Variants in COL4A5 observed in about 807,000 individuals in gnomAD.
The protein encoded by COL4A5 is collagen alpha-5(IV) chain.
Under a neutral mutation model 130.2 loss-of-function variants are expected in COL4A5, and 26 were observed. That is an observed-to-expected ratio of 0.20 (90% CI 0.15 to 0.28). The LOEUF (loss-of-function observed/expected upper bound fraction) is 0.28, where lower values mean the gene tolerates loss of function less well. Ranked by LOEUF, COL4A5 falls within the 10% of genes least tolerant of loss-of-function variation. The pLI is 1.00. For missense variants in COL4A5, 1,131 were observed against 1,344.3 expected (o/e 0.84, Z 2.48); for synonymous variants, 496 against 439.6 (o/e 1.13, Z -1.60).
At chrX:108,588,026 A>ATCTTGTT (rs2066364861) in intron 19 of COL4A5, among the ~76,000 whole-genome samples, 1 of 111,208 alleles carries the variant, frequency 9.0e-6, no homozygotes, top group Non-Finnish European at 1.9e-5. Flanking sequence ...TTTGTTATAC[A>ATCTTGTT]ATAAAATCTT....
intron 37 of COL4A5, among the ~76,000 whole-genome samples, chrX:108,664,115 G>A (rs955472311): frequency 1.2e-4 from 13 of 111,710 alleles, no homozygotes; most frequent in Non-Finnish European, 2.3e-4. Context: ...AACCCGGGAG[G>A]TGGAGGTTGC....
rs142847868 is a variant in COL4A5, at chrX:108,632,766, C to T, written c.3246+6417C>T. Among the ~76,000 whole-genome samples the T allele has an allele frequency of 3.8e-3, 424 of 111,830 alleles. 2 individuals are homozygous for T. The highest frequency in any genetic ancestry group is 8.2e-3 in the South Asian group (22 of 2,688). On this transcript the variant is annotated intron_variant, in intron 36 of 52. Coordinates refer to ENST00000328300, the MANE Select transcript of COL4A5 (RefSeq NM_033380.3). ...TCTCAATAGATGGAGAAAACACCTTCGACAAAATTCAACAGCCCTTCATGC... is the reference window on the plus strand; with the variant it reads ...TCTCAATAGATGGAGAAAACACCTTTGACAAAATTCAACAGCCCTTCATGC...
At chrX:108,674,556 A>T in intron 42 of COL4A5, 189 bp from the exon 43 acceptor site, 1 of 401,259 alleles carries the variant, frequency 2.5e-6, no homozygotes, top group Non-Finnish European at 4.2e-6. Context: ...TTGGCTCTCT[A>T]TACTTCTGTA....
intron 1 of COL4A5, among the ~76,000 whole-genome samples, chrX:108,526,318 T>C (rs1051164696): frequency 4.5e-5 from 5 of 111,916 alleles, no homozygotes; most frequent in Non-Finnish European, 7.5e-5. Flanking sequence ...GGCTGTATGT[T>C]CGTAGGACAA....
intron 49 of COL4A5, among the ~76,000 whole-genome samples, chrX:108,688,657 G>A (rs1330365669): frequency 1.8e-5 from 2 of 111,380 alleles, no homozygotes; most frequent in South Asian, 3.8e-4. Flanking sequence ...GGCTGGTCTC[G>A]AAATGTTGAC....
chrX:108,450,840 T>C (rs1569471258), intron 1 of COL4A5, among the ~76,000 whole-genome samples: 1 of 110,642 alleles, frequency 9.0e-6, no homozygotes, highest in African/African-American at 3.3e-5. Context: ...TTTATTTTTA[T>C]TTTTTATTTT....
chrX:108,515,433 C>T (rs185056087), intron 1 of COL4A5, among the ~76,000 whole-genome samples: 10 of 111,906 alleles, frequency 8.9e-5, no homozygotes, highest in African/African-American at 3.2e-4. Flanking sequence ...CATTGGTTGA[C>T]GATATGCATA....
chrX:108,696,418 A>G lies in COL4A5; in HGVS notation c.*40A>G. 1.9e-6 allele frequency: 2 copies of G among 1,044,675 alleles called. No individual in the cohort carries two copies. Among genetic ancestry groups the G allele is most frequent in the Non-Finnish European group, 2.7e-6 (2 of 754,370 alleles). 86.1% of individuals were successfully genotyped at this position (1,044,675 alleles called of 1,213,427 possible). On this transcript the variant is annotated 3_prime_UTR_variant, in exon 53 of 53. Transcript: ENST00000328300. ...CCTTTTGTGTTTTAAAATGTGATAT[A>G]TATATATATAAAATTCCTAGGATGC...
intron 1 of COL4A5, among the ~76,000 whole-genome samples, chrX:108,450,497 T>G (rs1375094666): frequency 8.9e-6 from 1 of 112,296 alleles, no homozygotes; most frequent in African/African-American, 3.2e-5. Flanking sequence ...AGCCTACCAC[T>G]TCAGGGAAAA....
At chrX:108,547,630 C>T (rs955123970) in intron 2 of COL4A5, among the ~76,000 whole-genome samples, 1 of 111,975 alleles carries the variant, frequency 8.9e-6, no homozygotes, top group Non-Finnish European at 1.9e-5. Flanking sequence ...CTAATCTCTT[C>T]CAAGCTGTCA....
chrX:108,563,245 A>C (rs772842414), intron 3 of COL4A5, among the ~76,000 whole-genome samples: 1 of 111,561 alleles, frequency 9.0e-6, no homozygotes, highest in African/African-American at 3.2e-5. Context: ...TAGTTAACGA[A>C]AACTCAGTGA....
At chrX:108,460,174 A>G (rs1185523109) in intron 1 of COL4A5, among the ~76,000 whole-genome samples, 1 of 111,764 alleles carries the variant, frequency 8.9e-6, no homozygotes, top group East Asian at 2.8e-4. Context: ...ATTCCTTCTG[A>G]ATAGTTTTGC....
intron 36 of COL4A5, among the ~76,000 whole-genome samples, chrX:108,639,269 A>T (rs1330838971): frequency 9.0e-6 from 1 of 111,368 alleles, no homozygotes; most frequent in Admixed American, 9.5e-5. Flanking sequence ...ATCTTTGACA[A>T]GGGTGCTCAA....
At chrX:108,694,429 G>A (rs1418760966) in intron 50 of COL4A5, 2 of 217,700 alleles carry the variant, frequency 9.2e-6, no homozygotes, top group Non-Finnish European at 1.7e-5. Context: ...TCTTACCACA[G>A]TTTCAGCATT....
intron 1 of COL4A5, among the ~76,000 whole-genome samples, chrX:108,490,981 T>A (rs766363234): frequency 8.9e-6 from 1 of 112,380 alleles, no homozygotes; most frequent in South Asian, 3.7e-4. Context: ...AGACATGATC[T>A]TGTTCTTTAT....
chrX:108,455,910 T>C (rs1435630839), intron 1 of COL4A5, among the ~76,000 whole-genome samples: 1 of 111,607 alleles, frequency 9.0e-6, no homozygotes, highest in African/African-American at 3.2e-5. Flanking sequence ...CATAAGTCCT[T>C]TACATTTCTT....
At chrX:108,575,017 G>C (rs950279780) in intron 9 of COL4A5, among the ~76,000 whole-genome samples, 2 of 110,969 alleles carry the variant, frequency 1.8e-5, no homozygotes, top group East Asian at 5.6e-4. Context: ...TCAAACATCT[G>C]AGCTCAAGTG....
Position 108,487,467 on chromosome X carries a change from A to AT in COL4A5, c.81+47270dup, listed in dbSNP as rs953729933. Among the ~76,000 whole-genome samples, 14 of 105,433 alleles carry AT rather than the reference A, an allele frequency of 1.3e-4. No individual in the cohort carries two copies. In the South Asian group the frequency reaches 2.4e-3, roughly 18 times the overall value. 91.6% of individuals were successfully genotyped at this position (105,433 alleles called of 115,157 possible). ...TCACACCAACATCTATTATTTTTTTATTTTTTTTTAATTATGGCCATTCTT... is the reference window on the plus strand; with the variant it reads ...TCACACCAACATCTATTATTTTTTTATTTTTTTTTTAATTATGGCCATTCTT... On this transcript the variant is annotated intron_variant, in intron 1 of 52. Coordinates refer to ENST00000328300, the MANE Select transcript of COL4A5 (RefSeq NM_033380.3).
At chrX:108,448,065 G>A (rs752612582) in intron 1 of COL4A5, among the ~76,000 whole-genome samples, 3 of 111,874 alleles carry the variant, frequency 2.7e-5, no homozygotes, top group Non-Finnish European at 3.8e-5. Flanking sequence ...TGTGCCTTTA[G>A]CAGCTTCTGC....
Sources: gnomAD v4.1 joint callset for allele counts (sites outside exome capture counted in the v4.1 genomes callset) on GRCh38, gnomAD v4.1.1 for gene constraint, MANE v1.5 for transcripts, NCBI Gene and HGNC (gene_info 2026-07-23, HGNC 2026-07-21) for gene names.